Variants in NRXN3 observed in about 807,000 individuals in gnomAD.
The protein encoded by NRXN3 is neurexin 3.
NRXN3 carries 32 observed loss-of-function variants against 137.6 expected under a neutral mutation model. That is an observed-to-expected ratio of 0.23 (90% CI 0.18 to 0.31). The LOEUF (loss-of-function observed/expected upper bound fraction) is 0.31. NRXN3 is among the 10% of genes least tolerant of loss of function. The probability of loss-of-function intolerance (pLI) is 1.00; values close to 1 mark genes in which losing one functional copy is unlikely to be tolerated. For synonymous variants in NRXN3, 798 were observed against 784.5 expected (o/e 1.02, Z -0.29); for missense variants, 1,574 against 2,062.5 (o/e 0.76, Z 4.59).
chr14:78,271,071 C>T (rs1334589239), intron 2 of NRXN3, among the ~76,000 whole-genome samples: 1 of 152,202 alleles, frequency 6.6e-6, no homozygotes, highest in African/African-American at 2.4e-5. Flanking sequence ...TCCTCCTACA[C>T]TTTACAATGA....
At chr14:79,444,920 A>G (rs1027691157) in intron 15 of NRXN3, among the ~76,000 whole-genome samples, 1 of 152,230 alleles carries the variant, frequency 6.6e-6, no homozygotes, top group Non-Finnish European at 1.5e-5. Flanking sequence ...GCCTTGTTCT[A>G]TGTGTCTCAG....
chr14:78,707,280 T>C (rs949584969), intron 6 of NRXN3, among the ~76,000 whole-genome samples: 2 of 152,184 alleles, frequency 1.3e-5, no homozygotes, highest in African/African-American at 4.8e-5. Flanking sequence ...TAAATCTGGG[T>C]CCTGACTTAG....
chr14:78,477,472 C>T (rs1169451341), intron 4 of NRXN3, among the ~76,000 whole-genome samples: 2 of 152,158 alleles, frequency 1.3e-5, no homozygotes, highest in Non-Finnish European at 2.9e-5. Flanking sequence ...TAGCAACTTT[C>T]ACATTATGAA....
At chr14:78,191,137 CTG>C (rs1033361249) in intron 1 of NRXN3, among the ~76,000 whole-genome samples, 3 of 152,160 alleles carry the variant, frequency 2.0e-5, no homozygotes, top group African/African-American at 7.2e-5. Flanking sequence ...ACCAGAAGAA[CTG>C]TGTGTTTCAT....
intron 15 of NRXN3, among the ~76,000 whole-genome samples, chr14:79,088,247 T>G (rs2048498378): frequency 6.7e-6 from 1 of 149,768 alleles, no homozygotes; most frequent in South Asian, 2.1e-4. Flanking sequence ...TTTGAACCTC[T>G]CTCATTCTGC....
chr14:78,426,450 C>T (rs181399179), intron 4 of NRXN3, among the ~76,000 whole-genome samples: 14 of 152,282 alleles, frequency 9.2e-5, no homozygotes, highest in Admixed American at 8.5e-4. Context: ...GCTGGGGCCC[C>T]TATAACAAAA....
chr14:78,638,755 G>A (rs1007665472), intron 4 of NRXN3, among the ~76,000 whole-genome samples: 20 of 152,282 alleles, frequency 1.3e-4, no homozygotes, highest in Non-Finnish European at 1.8e-4. Flanking sequence ...GTAGAGGAAC[G>A]AACTCATACT....
At chr14:79,240,744 C>T (rs2074141709) in intron 15 of NRXN3, among the ~76,000 whole-genome samples, 1 of 151,988 alleles carries the variant, frequency 6.6e-6, no homozygotes, top group Non-Finnish European at 1.5e-5. Flanking sequence ...TATCATCCCA[C>T]CGCAGATAAA....
intron 4 of NRXN3, among the ~76,000 whole-genome samples, chr14:78,308,049 T>C (rs1036744703): frequency 6.6e-6 from 1 of 152,040 alleles, no homozygotes; most frequent in Admixed American, 6.6e-5. Context: ...GTAACAACGA[T>C]GGCAAGTATT....
chr14:78,433,232 G>T (rs1394349156), intron 4 of NRXN3, among the ~76,000 whole-genome samples: 1 of 152,084 alleles, frequency 6.6e-6, no homozygotes, highest in East Asian at 1.9e-4. Flanking sequence ...GCTCCTAAGG[G>T]TCTCTTGGAT....
intron 20 of NRXN3, among the ~76,000 whole-genome samples, chr14:79,835,165 G>A (rs2099336038): frequency 6.6e-6 from 1 of 152,112 alleles, no homozygotes. Context: ...AATCACTAAG[G>A]GAGTAGATTT....
At chr14:79,605,311 A>G (rs1052239486) in intron 16 of NRXN3, among the ~76,000 whole-genome samples, 1 of 152,162 alleles carries the variant, frequency 6.6e-6, no homozygotes, top group African/African-American at 2.4e-5. Context: ...GTTGAGTTCT[A>G]TGATCACACA....
chr14:79,728,398 C>CA (rs1236050483), intron 19 of NRXN3, among the ~76,000 whole-genome samples: 1 of 152,146 alleles, frequency 6.6e-6, no homozygotes, highest in Admixed American at 6.5e-5. Flanking sequence ...TCTCACCTGC[C>CA]AAAATCTCTC....
intron 15 of NRXN3, among the ~76,000 whole-genome samples, chr14:79,386,351 A>G (rs1176191513): frequency 1.3e-5 from 2 of 152,186 alleles, no homozygotes; most frequent in African/African-American, 4.8e-5. Context: ...ACCACTCACA[A>G]TTGCTTCAAA....
chr14:78,322,711 C>T (rs2079534736), intron 4 of NRXN3, among the ~76,000 whole-genome samples: 1 of 151,950 alleles, frequency 6.6e-6, no homozygotes, highest in Non-Finnish European at 1.5e-5. Context: ...GGCTAGAACC[C>T]CACCCTGCTA....
chr14:79,047,910 G>A (rs899174789), intron 15 of NRXN3, among the ~76,000 whole-genome samples: 3 of 151,966 alleles, frequency 2.0e-5, no homozygotes, highest in Non-Finnish European at 4.4e-5. Context: ...CTAAGACTTC[G>A]TAAGTTTACT....
At chr14:79,706,766 C>T (rs2098781641) in intron 19 of NRXN3, among the ~76,000 whole-genome samples, 1 of 152,148 alleles carries the variant, frequency 6.6e-6, no homozygotes, top group Non-Finnish European at 1.5e-5. Context: ...TTTACCTAAA[C>T]TGCCATTGCT....
chr14:79,486,153 TAG>T (rs1275952203), intron 16 of NRXN3, among the ~76,000 whole-genome samples: 1 of 152,178 alleles, frequency 6.6e-6, no homozygotes, highest in Admixed American at 6.5e-5. Context: ...CTTTAAGCTC[TAG>T]TCCAGGTCAT....
chr14:79,378,241 T>C (rs2094363231), intron 15 of NRXN3, among the ~76,000 whole-genome samples: 1 of 152,172 alleles, frequency 6.6e-6, no homozygotes, highest in African/African-American at 2.4e-5. Flanking sequence ...AGTGTTCTCC[T>C]GAGAAAATGT....
Sources: gnomAD v4.1 joint callset for allele counts (sites outside exome capture counted in the v4.1 genomes callset) on GRCh38, gnomAD v4.1.1 for gene constraint, MANE v1.5 for transcripts, NCBI Gene and HGNC (gene_info 2026-07-23, HGNC 2026-07-21) for gene names.